The following WNT7B variants were observed in gnomAD, a reference collection of about 807,000 sequenced individuals.
WNT7B encodes Wnt family member 7B, also known as protein Wnt-7b.
In WNT7B, 19 loss-of-function variants were observed where a neutral mutation model predicts 38.2. The ratio of observed to expected loss-of-function variants is 0.50; its 90% CI spans 0.35 to 0.73. WNT7B has a LOEUF of 0.73. WNT7B is among the 30% of genes least tolerant of loss of function. The pLI is 0.01. For synonymous variants in WNT7B, 243 were observed against 209.3 expected, an observed-to-expected ratio of 1.16 and a Z score of -1.39; for missense variants, 423 against 507.9, an observed-to-expected ratio of 0.83 and a Z score of 1.61.
At chr22:45,940,675 G>A (rs73444598) in intron 2 of WNT7B, among the ~76,000 whole-genome samples, 2,530 of 152,240 alleles carry the variant, frequency 0.017, 70 homozygotes, top group African/African-American at 0.058. Context: ...GGCTGGGAGC[G>A]GCTCACAGAC....
intron 3 of WNT7B, among the ~76,000 whole-genome samples, chr22:45,929,111 G>A (rs566040760): frequency 4.5e-4 from 68 of 152,306 alleles, no homozygotes; most frequent in African/African-American, 1.2e-3. Context: ...CTAAGCAGCT[G>A]CAGAGGCTCG....
At chr22:45,926,181 A>T in intron 3 of WNT7B, 1 of 985,438 alleles carries the variant, frequency 1.0e-6, no homozygotes, top group Non-Finnish European at 1.2e-6. Flanking sequence ...GGAAGTGATC[A>T]CAGGGTTCAA....
intron 1 of WNT7B, among the ~76,000 whole-genome samples, chr22:45,956,958 T>C (rs1932078355): frequency 6.6e-6 from 1 of 152,046 alleles, no homozygotes; most frequent in Admixed American, 6.5e-5. Context: ...ATACAAAAAT[T>C]AGCTGGGCGT....
At chr22:45,935,189 G>C (rs1162291396) in intron 2 of WNT7B, among the ~76,000 whole-genome samples, 3 of 152,178 alleles carry the variant, frequency 2.0e-5, no homozygotes, top group African/African-American at 7.2e-5. Context: ...CAGCGAGCCA[G>C]TGCTTAGACT....
At chr22:45,926,349 C>T (rs2146704978) in intron 3 of WNT7B, 2 of 985,404 alleles carry the variant, frequency 2.0e-6, no homozygotes, top group Non-Finnish European at 1.2e-6. Flanking sequence ...AGGGGCCGCT[C>T]CTCCAGGCCT....
intron 1 of WNT7B, among the ~76,000 whole-genome samples, chr22:45,957,540 T>C (rs73446554): frequency 0.19 from 29,351 of 151,162 alleles, 3,312 homozygotes; most frequent in African/African-American, 0.31. Flanking sequence ...AAGAATAAGC[T>C]AGGCATGGTG....
rs769391653 is a variant in WNT7B, at chr22:45,923,276, G to A, written c.630C>T (p.Thr210=). 6.2e-7 allele frequency: 1 copy of A among 1,613,382 alleles called. No individual in the cohort carries two copies. Among genetic ancestry groups the A allele is most frequent in the Non-Finnish European group, 8.5e-7 (1 of 1,179,852 alleles). ...GCAGCGTGGTCCAGCAGGTTTTGGT[G>A]GTGCAGGAGCCAGACACGCCGTGGC... is the stretch of plus-strand genomic sequence containing the variant. The part of the protein sequence containing the change: ...CKCHGVSGSC[T]TKTCWTTLPK... Residue 210 remains threonine (T), a synonymous_variant, in exon 4 of 4, where the codon ACC becomes ACT. Coordinates refer to ENST00000339464, the MANE Select transcript of WNT7B (RefSeq NM_058238.3).
Position 45,923,042 on chromosome 22 carries a change from G to A in WNT7B, c.864C>T (p.Gly288=), listed in dbSNP as rs1357744364. The A allele has an allele frequency of 1.9e-6, 3 of 1,612,706 alleles. No homozygotes were observed. The part of the protein sequence containing the change: ...CEEDAATGSV[G]TQGRLCNRTS... ...TGCGGTTGCAGAGACGGCCCTGCGT[G>A]CCCACGCTGCCCGTGGCCGCGTCCT... Residue 288 remains glycine (G), a synonymous_variant, in exon 4 of 4, where the codon GGC becomes GGT. Transcript: ENST00000339464.
At chr22:45,944,914 T>G (rs1931758468) in intron 2 of WNT7B, among the ~76,000 whole-genome samples, 1 of 152,076 alleles carries the variant, frequency 6.6e-6, no homozygotes, top group Non-Finnish European at 1.5e-5. Flanking sequence ...GGAGTGACAG[T>G]CAGATCCAGG....
chr22:45,927,997 G>A (rs1044151626), intron 3 of WNT7B, among the ~76,000 whole-genome samples: 2 of 152,322 alleles, frequency 1.3e-5, no homozygotes, highest in Middle Eastern at 3.4e-3. Context: ...AACACTGGGA[G>A]CTGAGGAATG....
At position 45,965,110 on chromosome 22, in the gene WNT7B, A is replaced by G. The variant is rs1380793163; in HGVS notation, c.71+11574T>C. 6.6e-6 allele frequency among the ~76,000 whole-genome samples: 1 copy of G among 151,366 alleles called. No individual in the cohort carries two copies. Among genetic ancestry groups the G allele is most frequent in the Non-Finnish European group, 1.5e-5 (1 of 67,792 alleles). ...CCTTCCCCTGCTCCAGCCCTACTCAAACCTGCTGCTCCCCACTCCTGATGC... is the reference window on the plus strand; with the variant it reads ...CCTTCCCCTGCTCCAGCCCTACTCAGACCTGCTGCTCCCCACTCCTGATGC... On this transcript the variant is annotated intron_variant, in intron 1 of 3. Coordinates refer to ENST00000339464, the MANE Select transcript of WNT7B (RefSeq NM_058238.3). This position sits in a 1 kb window ranked among gnomAD's most constrained non-coding sequence, Gnocchi z 6.5.
chr22:45,947,133 G>A (rs921456918), intron 2 of WNT7B, among the ~76,000 whole-genome samples: 3 of 152,252 alleles, frequency 2.0e-5, no homozygotes, highest in African/African-American at 7.2e-5. Context: ...AAGGGGAACG[G>A]GGCCTGGCGT....
chr22:45,951,485 C>T lies in WNT7B; in HGVS notation c.72-1339G>A, dbSNP rs950263635. ...TTCGGTGTTGTGCAACCTCCAGCAC[C>T]GTCAGGTTCCCAGATATTTCTGCCA... is the stretch of plus-strand genomic sequence containing the variant. On this transcript the variant is annotated intron_variant, in intron 1 of 3. Coordinates refer to ENST00000339464, the MANE Select transcript of WNT7B (RefSeq NM_058238.3). The surrounding 1 kb of genome is among the most constrained non-coding windows in gnomAD (Gnocchi z 4.8). 6.6e-6 allele frequency among the ~76,000 whole-genome samples: 1 copy of T among 151,192 alleles called. No individual in the cohort carries two copies. The highest frequency in any genetic ancestry group is 1.5e-5 in the Non-Finnish European group (1 of 68,018).
chr22:45,954,215 T>G (rs1040444625), intron 1 of WNT7B, among the ~76,000 whole-genome samples: 1 of 146,760 alleles, frequency 6.8e-6, no homozygotes, highest in Non-Finnish European at 1.5e-5. Flanking sequence ...GGCAAATCCA[T>G]CGAGATAGAA....
chr22:45,960,914 G>A (rs1254439281), intron 1 of WNT7B, among the ~76,000 whole-genome samples: 1 of 152,242 alleles, frequency 6.6e-6, no homozygotes, highest in Non-Finnish European at 1.5e-5. Flanking sequence ...GTATGGGGCA[G>A]GGGCTGGTGG....
intron 2 of WNT7B, among the ~76,000 whole-genome samples, chr22:45,939,335 A>G (rs906863385): frequency 8.5e-5 from 13 of 152,252 alleles, no homozygotes; most frequent in African/African-American, 3.1e-4. Context: ...TATATTGTGC[A>G]GAAGTATTCA....
chr22:45,963,925 G>A (rs1932252279), intron 1 of WNT7B, among the ~76,000 whole-genome samples: 1 of 151,992 alleles, frequency 6.6e-6, no homozygotes, highest in Non-Finnish European at 1.5e-5. Context: ...GAGCACAATG[G>A]GGCGCCAGGT....
intron 1 of WNT7B, among the ~76,000 whole-genome samples, chr22:45,964,641 C>G (rs1400157835): frequency 6.6e-6 from 1 of 152,198 alleles, no homozygotes; most frequent in Non-Finnish European, 1.5e-5. Context: ...ACCTGTGCCA[C>G]TAGGGGCCAA....
intron 2 of WNT7B, among the ~76,000 whole-genome samples, chr22:45,940,730 G>A (rs1293212261): frequency 6.6e-6 from 1 of 152,218 alleles, no homozygotes. Context: ...GGAGCCAGCA[G>A]GGTAGGGTGG....
Sources: allele counts gnomAD v4.1 joint callset (sites outside exome capture counted in the v4.1 genomes callset), GRCh38; gene constraint gnomAD v4.1.1; non-coding constraint Gnocchi (gnomAD v3.1); transcripts MANE v1.5; gene names NCBI Gene and HGNC (gene_info 2026-07-23, HGNC 2026-07-21).